CHRNA7: variants seen among roughly 807,000 people sequenced by gnomAD.
CHRNA7 encodes the protein cholinergic receptor nicotinic alpha 7 subunit.
A neutral mutation model predicts 48.0 loss-of-function variants in CHRNA7; 17 were observed. That is an observed-to-expected ratio of 0.35 (90% confidence interval 0.24 to 0.53). The LOEUF is 0.53. CHRNA7 is among the 20% of genes least tolerant of loss of function. The pLI, the probability that CHRNA7 is intolerant of heterozygous loss-of-function variation, is 0.92. For synonymous variants in CHRNA7, 75 were observed against 242.3 expected (o/e 0.31, Z 6.41); for missense variants, 155 against 577.7 (o/e 0.27, Z 7.50).
intron 4 of CHRNA7, among the ~76,000 whole-genome samples, chr15:32,141,822 T>G (rs555699762): frequency 1.3e-5 from 2 of 151,964 alleles, no homozygotes; most frequent in African/African-American, 4.8e-5. Flanking sequence ...GATTTTTGGC[T>G]GAGACAATGG....
intron 2 of CHRNA7, chr15:32,100,735 C>G (rs1050629713): frequency 1.9e-5 from 3 of 154,832 alleles, no homozygotes; most frequent in South Asian, 4.1e-4. Flanking sequence ...TTCAAGAGCC[C>G]GATGTGCCTC....
chr15:32,148,634 C>T (rs1248738801), intron 4 of CHRNA7, among the ~76,000 whole-genome samples: 1 of 152,220 alleles, frequency 6.6e-6, no homozygotes, highest in African/African-American at 2.4e-5. Flanking sequence ...CTCCCCCTGC[C>T]TATACTGCCA....
intron 2 of CHRNA7, among the ~76,000 whole-genome samples, chr15:32,038,491 A>G (rs960444353): frequency 3.3e-5 from 5 of 152,146 alleles, no homozygotes; most frequent in African/African-American, 4.8e-5. Flanking sequence ...TCACTTGACC[A>G]TGGTGTATAA....
At chr15:32,145,038 C>G (rs1250857891) in intron 4 of CHRNA7, among the ~76,000 whole-genome samples, 1 of 152,194 alleles carries the variant, frequency 6.6e-6, no homozygotes, top group Non-Finnish European at 1.5e-5. Context: ...CTCTTCTCCT[C>G]ATCTTTGTGG....
intron 2 of CHRNA7, among the ~76,000 whole-genome samples, chr15:32,059,944 C>CAGAAAAA (rs2049851033): frequency 3.0e-5 from 1 of 33,052 alleles, no homozygotes; most frequent in Non-Finnish European, 4.9e-5. Context: ...AGTAGAAAAG[C>CAGAAAAA]AAAAAAAAAA....
At chr15:32,068,920 G>A (rs2050010179) in intron 2 of CHRNA7, among the ~76,000 whole-genome samples, 2 of 152,050 alleles carry the variant, frequency 1.3e-5, no homozygotes, top group Admixed American at 6.6e-5. Flanking sequence ...TGAAGACTTC[G>A]GTACCCCTCT....
intron 2 of CHRNA7, among the ~76,000 whole-genome samples, chr15:32,052,740 T>C (rs1358020943): frequency 6.6e-6 from 1 of 151,964 alleles, no homozygotes; most frequent in East Asian, 1.9e-4. Context: ...AATAAATAAA[T>C]AAATACAATT....
At chr15:32,085,313 T>C (rs1334712315) in intron 2 of CHRNA7, among the ~76,000 whole-genome samples, 1 of 152,186 alleles carries the variant, frequency 6.6e-6, no homozygotes, top group Non-Finnish European at 1.5e-5. Context: ...CCAATTAATG[T>C]TTTTCAAACA....
Position 32,168,420 on chromosome 15 carries a change from CCCAACTT to C in CHRNA7, c.1473_1479del (p.Asn492TrpfsTer35). 1.8e-6 allele frequency: 1 copy of C among 569,818 alleles called. No homozygotes were observed. The highest frequency in any genetic ancestry group is 4.1e-5 in the African/African-American group (1 of 24,550). 35.3% of individuals were successfully genotyped at this position (569,818 alleles called of 1,614,324 possible). A position where few individuals can be genotyped will look rare whatever the true frequency, so the allele number is the denominator to read the frequency against. ...CACCATCGGCATCCTGATGTCGGCT[CCCAACTT>C]CGTGGAGGCCGTGTCCAAAGACTTT... On this transcript the variant is annotated frameshift_variant, in exon 10 of 10. Transcript: ENST00000306901. LOFTEE classifies it high-confidence loss of function.
chr15:32,066,505 C>A (rs1322922661), intron 2 of CHRNA7, among the ~76,000 whole-genome samples: 1 of 152,208 alleles, frequency 6.6e-6, no homozygotes, highest in Non-Finnish European at 1.5e-5. Context: ...TGGTCTCGAT[C>A]TCTTGACCTC....
chr15:32,114,061 CATATATATATATAT>C (rs35944403), intron 4 of CHRNA7, among the ~76,000 whole-genome samples: 1 of 120,226 alleles, frequency 8.3e-6, no homozygotes, highest in African/African-American at 3.3e-5. Context: ...TATATATATA[CATATATATATATAT>C]ACACATACAT....
chr15:32,039,797 T>G (rs1340870421), intron 2 of CHRNA7, among the ~76,000 whole-genome samples: 1 of 152,154 alleles, frequency 6.6e-6, no homozygotes, highest in Non-Finnish European at 1.5e-5. Flanking sequence ...CAATCATGTT[T>G]ATACTGGTTT....
intron 3 of CHRNA7, among the ~76,000 whole-genome samples, chr15:32,105,369 A>G (rs1055559782): frequency 2.6e-5 from 4 of 151,898 alleles, no homozygotes; most frequent in African/African-American, 9.7e-5. Context: ...GAGGAGAAGG[A>G]GGAGGAGGAA....
intron 2 of CHRNA7, among the ~76,000 whole-genome samples, chr15:32,057,583 T>C (rs1449833329): frequency 6.6e-6 from 1 of 152,226 alleles, no homozygotes; most frequent in East Asian, 1.9e-4. Context: ...TTTAAAAACA[T>C]TCTTTTTAAA....
chr15:32,114,948 G>C (rs2050843765), intron 4 of CHRNA7, among the ~76,000 whole-genome samples: 1 of 152,256 alleles, frequency 6.6e-6, no homozygotes, highest in South Asian at 2.1e-4. Flanking sequence ...CTGGCAGGAA[G>C]CTCAGCCATT....
At chr15:32,146,197 A>T (rs1232206466) in intron 4 of CHRNA7, among the ~76,000 whole-genome samples, 1 of 152,242 alleles carries the variant, frequency 6.6e-6, no homozygotes. Flanking sequence ...AATTCATTCT[A>T]TTAAAAGATT....
intron 2 of CHRNA7, among the ~76,000 whole-genome samples, chr15:32,071,722 C>T (rs993122231): frequency 6.6e-6 from 1 of 152,184 alleles, no homozygotes; most frequent in Admixed American, 6.5e-5. Flanking sequence ...CACCTGCTCC[C>T]CTTCACCTTC....
chr15:32,054,046 A>G (rs1382942811), intron 2 of CHRNA7, among the ~76,000 whole-genome samples: 1 of 151,956 alleles, frequency 6.6e-6, no homozygotes, highest in Non-Finnish European at 1.5e-5. Context: ...CATGGTGTCT[A>G]TACTCTGGGG....
intron 2 of CHRNA7, among the ~76,000 whole-genome samples, chr15:32,094,666 CTT>C (rs5811680): frequency 5.8e-4 from 85 of 146,316 alleles, no homozygotes; most frequent in Middle Eastern, 3.5e-3. Flanking sequence ...TTTTCTTTTT[CTT>C]TTTTTTTTTT....
Sources: gnomAD v4.1 joint callset for allele counts (sites outside exome capture counted in the v4.1 genomes callset) on GRCh38, gnomAD v4.1.1 for gene constraint, MANE v1.5 for transcripts, NCBI Gene and HGNC (gene_info 2026-07-23, HGNC 2026-07-21) for gene names.